ACSF2: variants seen among roughly 807,000 people sequenced by gnomAD.
ACSF2 encodes acyl-CoA synthetase family member 2.
In ACSF2, 52 loss-of-function variants were observed where a neutral mutation model predicts 79.3. That is an observed-to-expected ratio of 0.66 (90% CI 0.53 to 0.83). The LOEUF (loss-of-function observed/expected upper bound fraction) is 0.83, where lower values mean the gene tolerates loss of function less well. Among genes scored for constraint, ACSF2 ranks in the 40% least tolerant of loss-of-function variants. ACSF2 has a pLI of 0.00. For missense variants in ACSF2, 661 were observed against 803.3 expected (o/e 0.82, Z 2.14); for synonymous variants, 283 against 312.6 (o/e 0.91, Z 1.00).
rs1033355113 is a variant in ACSF2 at position 50,438,573 on chromosome 17, C to CT, written c.128+12193dup. ...TTTTTTTCCAAATATTTTTCTTTTT[C>CT]TTTTTTTTTGGGAGATGGAGTCTCA... On this transcript the variant is annotated intron_variant, in intron 1 of 15. Transcript: ENST00000300441. Among the ~76,000 whole-genome samples, 392 of 151,012 alleles carry CT rather than the reference C, an allele frequency of 2.6e-3. 2 individuals carry two copies. Among genetic ancestry groups the CT allele is most frequent in the African/African-American group, 8.8e-3 (360 of 41,126 alleles).
chr17:50,455,820 G>A (rs547281457), intron 1 of ACSF2, among the ~76,000 whole-genome samples: 7 of 152,248 alleles, frequency 4.6e-5, no homozygotes, highest in Middle Eastern at 3.4e-3. Context: ...CATTCTCCCC[G>A]TGTCCCCCGA....
At position 50,440,132 on chromosome 17, in the gene ACSF2, G is replaced by C. The variant is rs185367767; in HGVS notation, c.128+13743G>C. Reference sequence around the variant, plus strand: ...GGACCTAGGGACCAGCCTCCCATGGGGGGTAAGGAGCAGAGGCCAGTCCAT... The same window carrying C: ...GGACCTAGGGACCAGCCTCCCATGGCGGGTAAGGAGCAGAGGCCAGTCCAT... On this transcript the variant is annotated intron_variant, in intron 1 of 15. Transcript: ENST00000300441. Among the ~76,000 whole-genome samples, 218 of 151,848 alleles carry C rather than the reference G, an allele frequency of 1.4e-3. 2 individuals carry two copies. Among genetic ancestry groups the C allele is most frequent in the African/African-American group, 5.0e-3 (208 of 41,416 alleles).
intron 1 of ACSF2, among the ~76,000 whole-genome samples, chr17:50,447,347 C>G (rs2031365355): frequency 6.6e-6 from 1 of 151,980 alleles, no homozygotes; most frequent in South Asian, 2.1e-4. Flanking sequence ...CAAGAACAGC[C>G]TGGGCAACAT....
At chr17:50,432,740 C>T (rs1015434401) in intron 1 of ACSF2, among the ~76,000 whole-genome samples, 3 of 152,180 alleles carry the variant, frequency 2.0e-5, no homozygotes, top group Non-Finnish European at 4.4e-5. Context: ...AGTTAGTTGA[C>T]GGGAAAGCAA....
intron 6 of ACSF2, 46 bp downstream of exon 6, chr17:50,462,631 C>G: frequency 3.1e-6 from 5 of 1,593,528 alleles, no homozygotes; most frequent in Non-Finnish European, 4.3e-6. Context: ...GACACATGCC[C>G]CCTGTCCCTG....
At position 50,464,469 on chromosome 17, in the gene ACSF2, G is replaced by A. The variant is rs146704733; in HGVS notation, c.1215+175G>A. On this transcript the variant is annotated intron_variant, in intron 10 of 15. Transcript: ENST00000300441. ...CTGACCTCATCAGCACCTGGTGGGT[G>A]AAGGAGATAGGTGGCAGGGGAGTAA... 5.7e-4 allele frequency: 405 copies of A among 715,456 alleles called. 5 individuals are homozygous for A. The African/African-American group carries it at 6.5e-3, about 12-fold the overall frequency. The allele number at this position is 715,456 out of a possible 1,614,324, so 44.3% of individuals were successfully genotyped here.
At chr17:50,448,053 C>T (rs377476476) in intron 1 of ACSF2, among the ~76,000 whole-genome samples, 9 of 152,184 alleles carry the variant, frequency 5.9e-5, no homozygotes, top group Non-Finnish European at 1.0e-4. Flanking sequence ...TGCTTAACAA[C>T]GGGAACACAT....
At chr17:50,445,431 C>T (rs903263506) in intron 1 of ACSF2, among the ~76,000 whole-genome samples, 2 of 152,188 alleles carry the variant, frequency 1.3e-5, no homozygotes, top group Non-Finnish European at 2.9e-5. Context: ...ATTTACCCAT[C>T]TCTGCCTTCC....
At chr17:50,472,306 G>T in intron 11 of ACSF2, 122 bp from the exon 12 acceptor site, 1 of 1,168,180 alleles carries the variant, frequency 8.6e-7, no homozygotes, top group Non-Finnish European at 1.2e-6. Context: ...AGAGCCAGGG[G>T]GCCTCATTCC....
At chr17:50,453,124 C>T (rs145937616) in intron 1 of ACSF2, among the ~76,000 whole-genome samples, 17 of 152,198 alleles carry the variant, frequency 1.1e-4, no homozygotes, top group Admixed American at 3.3e-4. Context: ...GGTGTTCATC[C>T]GCCACGTGAT....
In ACSF2 at chr17:50,450,992, G is replaced by A. The variant is rs186005899; in HGVS notation, c.129-9685G>A. On this transcript the variant is annotated intron_variant, in intron 1 of 15. Coordinates refer to ENST00000300441, the MANE Select transcript of ACSF2 (RefSeq NM_025149.6). Reference sequence around the variant, plus strand: ...TGTCACCCAGGCCTGTTGTGTAGTGGTGTAATGGTAGCTCGCTGTAGCCTC... The same window carrying A: ...TGTCACCCAGGCCTGTTGTGTAGTGATGTAATGGTAGCTCGCTGTAGCCTC... 4.7e-4 allele frequency among the ~76,000 whole-genome samples: 72 copies of A among 152,288 alleles called. No homozygotes were observed. The East Asian group carries it at 0.013, about 27-fold the overall frequency.
rs61391073 is a variant in ACSF2 at position 50,464,771 on chromosome 17, G to GGGT, written c.1215+479_1215+480insTGG. On this transcript the variant is annotated intron_variant, in intron 10 of 15. Transcript: ENST00000300441. ...ACCTGTTGTGGTTCTGATTGACTTG[G>GGGT]GGGGGGGGTCTCAGCAACAGCTTCT... 85 of 328,876 alleles carry GGGT rather than the reference G, an allele frequency of 2.6e-4. No homozygotes were observed. In the East Asian group the frequency reaches 5.9e-3, roughly 23 times the overall value. 20.4% of individuals were successfully genotyped at this position (328,876 alleles called of 1,614,324 possible). A position where few individuals can be genotyped will look rare whatever the true frequency, so the allele number is the denominator to read the frequency against.
chr17:50,460,462 G>T (rs765262060), intron 1 of ACSF2: 4 of 585,978 alleles, frequency 6.8e-6, no homozygotes, highest in African/African-American at 1.9e-5. Context: ...CTCCAGCTTG[G>T]TGTAACCTTG....
chr17:50,438,732 A>G (rs2030635472), intron 1 of ACSF2, among the ~76,000 whole-genome samples: 1 of 151,782 alleles, frequency 6.6e-6, no homozygotes, highest in South Asian at 2.1e-4. Flanking sequence ...ACACCTGGCT[A>G]ATTTTTGGAT....
chr17:50,443,784 A>G (rs116605828), intron 1 of ACSF2, among the ~76,000 whole-genome samples: 2 of 152,338 alleles, frequency 1.3e-5, no homozygotes, highest in African/African-American at 4.8e-5. Flanking sequence ...CATATAATCA[A>G]TAACTCCTGT....
At chr17:50,455,205 A>T (rs1311384983) in intron 1 of ACSF2, among the ~76,000 whole-genome samples, 1 of 152,034 alleles carries the variant, frequency 6.6e-6, no homozygotes, top group Non-Finnish European at 1.5e-5. Flanking sequence ...CTGGTCTCAA[A>T]CTCCTGACCT....
rs2305997 is a variant in ACSF2 at position 50,474,379 on chromosome 17, G to A, written c.1797+112G>A. ...TGGAGAGACTGGCAGTAGGGTGACC[G>A]GGTCACCTAATCCTGGTTTGCCTGG... On this transcript the variant is annotated intron_variant, in intron 15 of 15. Transcript: ENST00000300441. The surrounding 1 kb of genome is among the most constrained non-coding windows in gnomAD (Gnocchi z 4.2). 5.7e-3 allele frequency: 8,580 copies of A among 1,497,944 alleles called. 93 individuals carry two copies. The highest frequency in any genetic ancestry group is 0.05 in the East Asian group (2,197 of 44,282). The allele number at this position is 1,497,944 out of a possible 1,614,324, so 92.8% of individuals were successfully genotyped here.
At chr17:50,464,778 G>GGC in intron 10 of ACSF2, 1 of 318,912 alleles carries the variant, frequency 3.1e-6, no homozygotes, top group South Asian at 2.4e-5. Context: ...TTGGGGGGGG[G>GGC]GTCTCAGCAA....
chr17:50,471,695 A>C lies in ACSF2; in HGVS notation c.1323+560A>C, dbSNP rs1380809973. The C allele has an allele frequency of 6.2e-6, 1 of 162,166 alleles. No homozygotes were observed. 10.0% of individuals were successfully genotyped at this position (162,166 alleles called of 1,614,324 possible). Reference sequence around the variant, plus strand: ...CCAGCTGGCTCCTGATTTCCCCTGCACCCTTCTGCTCCCGCCCCTGGGGGA... The same window carrying C: ...CCAGCTGGCTCCTGATTTCCCCTGCCCCCTTCTGCTCCCGCCCCTGGGGGA... On this transcript the variant is annotated intron_variant, in intron 11 of 15. Transcript: ENST00000300441. This position sits in a 1 kb window ranked among gnomAD's most constrained non-coding sequence, Gnocchi z 4.1.
Sources: allele counts gnomAD v4.1 joint callset (sites outside exome capture counted in the v4.1 genomes callset), GRCh38; gene constraint gnomAD v4.1.1; non-coding constraint Gnocchi (gnomAD v3.1); transcripts MANE v1.5; gene names NCBI Gene and HGNC (gene_info 2026-07-23, HGNC 2026-07-21).